ZC4H2: variants seen among roughly 807,000 people sequenced by gnomAD.
The protein encoded by ZC4H2 is zinc finger C4H2-type containing, also known as zinc finger C4H2 domain-containing protein.
For synonymous variants in ZC4H2, 84 were observed against 66.3 expected, an observed-to-expected ratio of 1.27 and a Z score of -1.30; for missense variants, 137 against 173.9, an observed-to-expected ratio of 0.79 and a Z score of 1.19.
rs189746623 is a variant in ZC4H2, at chrX:64,938,420, C to A, written c.54-16432G>T. On this transcript the variant is annotated intron_variant, in intron 1 of 4. Coordinates refer to ENST00000374839, the MANE Select transcript of ZC4H2 (RefSeq NM_018684.4). Reference sequence around the variant, plus strand: ...AAACAACAGAAAAAGAGGGAATACTCTCTAACTTGTTTTATGAGGCCACCA... The same window carrying A: ...AAACAACAGAAAAAGAGGGAATACTATCTAACTTGTTTTATGAGGCCACCA... Among the ~76,000 whole-genome samples the A allele has an allele frequency of 1.3e-4, 14 of 111,861 alleles. No homozygotes were observed. The East Asian group carries it at 3.9e-3, about 31-fold the overall frequency.
At chrX:64,963,669 T>C (rs1172616830) in intron 1 of ZC4H2, among the ~76,000 whole-genome samples, 3 of 111,316 alleles carry the variant, frequency 2.7e-5, no homozygotes, top group South Asian at 7.4e-4. Flanking sequence ...CCAACAGGTA[T>C]AATAAATATA....
At chrX:64,972,614 ATT>A (rs1159552249) in intron 1 of ZC4H2, among the ~76,000 whole-genome samples, 2 of 111,389 alleles carry the variant, frequency 1.8e-5, no homozygotes, top group Non-Finnish European at 3.8e-5. Flanking sequence ...AGGATATATT[ATT>A]TTTTCTTTCC....
intron 1 of ZC4H2, among the ~76,000 whole-genome samples, chrX:65,002,366 G>T (rs1264520223): frequency 9.4e-6 from 1 of 106,387 alleles, no homozygotes; most frequent in African/African-American, 3.4e-5. Context: ...GTCAGCCCCC[G>T]CCCGGCCAGC....
At chrX:64,948,920 T>A (rs1930664910) in intron 1 of ZC4H2, among the ~76,000 whole-genome samples, 1 of 112,122 alleles carries the variant, frequency 8.9e-6, no homozygotes, top group African/African-American at 3.2e-5. Flanking sequence ...AAAATTAATA[T>A]TGTAAAACAA....
At position 64,975,197 on chromosome X, in the gene ZC4H2, A is replaced by T. The variant is rs770302391; in HGVS notation, c.53+1128T>A. On this transcript the variant is annotated intron_variant, in intron 1 of 4. Transcript: ENST00000374839. Reference sequence around the variant, plus strand: ...TCACAGGACTCTTGCTGAATGAGCAAAAGTAGGTCAAAGGGCCTGGCACAC... The same window carrying T: ...TCACAGGACTCTTGCTGAATGAGCATAAGTAGGTCAAAGGGCCTGGCACAC... Among the ~76,000 whole-genome samples the T allele has an allele frequency of 1.1e-4, 12 of 109,747 alleles. No individual in the cohort carries two copies. The South Asian group carries it at 2.4e-3, about 22-fold the overall frequency.
chrX:64,954,354 AAT>A lies in ZC4H2; in HGVS notation c.53+21969_53+21970del, dbSNP rs1272824073. The stretch of plus-strand genomic sequence containing the variant: ...TATATATATAATTATATATATATAT[AAT>A]TATATATATATATATAATTATATAT... On this transcript the variant is annotated intron_variant, in intron 1 of 4. Transcript: ENST00000374839. Among the ~76,000 whole-genome samples, 17 of 69,363 alleles carry A rather than the reference AAT, an allele frequency of 2.5e-4. 1 individual carries two copies. The highest frequency in any genetic ancestry group is 6.9e-4 in the African/African-American group (6 of 8,646). The allele number at this position is 69,363 out of a possible 115,157, so 60.2% of individuals were successfully genotyped here.
intron 3 of ZC4H2, chrX:64,919,830 G>T: frequency 6.0e-6 from 2 of 332,290 alleles, no homozygotes; most frequent in Admixed American, 1.1e-4. Context: ...AAGCCACCTA[G>T]TAGTTGTTCT....
intron 1 of ZC4H2, among the ~76,000 whole-genome samples, chrX:64,931,158 T>C (rs749651459): frequency 8.9e-6 from 1 of 112,009 alleles, no homozygotes; most frequent in Non-Finnish European, 1.9e-5. Flanking sequence ...AAGGTGTTCA[T>C]AGTACACTTC....
intron 1 of ZC4H2, among the ~76,000 whole-genome samples, chrX:64,958,283 TAGG>T (rs1931238111): frequency 8.9e-6 from 1 of 111,903 alleles, no homozygotes; most frequent in African/African-American, 3.2e-5. Flanking sequence ...CACTAGGTGA[TAGG>T]AGTTTTTCAG....
intron 1 of ZC4H2, among the ~76,000 whole-genome samples, chrX:65,016,519 G>A (rs1932798511): frequency 8.9e-6 from 1 of 112,060 alleles, no homozygotes; most frequent in African/African-American, 3.2e-5. Flanking sequence ...ACTTTTTAGA[G>A]AGAGTTTTGG....
chrX:64,924,113 A>G (rs1023921930), intron 1 of ZC4H2, among the ~76,000 whole-genome samples: 1 of 111,721 alleles, frequency 9.0e-6, no homozygotes, highest in Admixed American at 9.5e-5. Flanking sequence ...TAAGATTCAG[A>G]GTAGTATAGT....
intron 1 of ZC4H2, among the ~76,000 whole-genome samples, chrX:64,928,632 CCTT>C (rs753426558): frequency 0.14 from 11,786 of 83,153 alleles, 821 homozygotes; most frequent in Admixed American, 0.25. Context: ...CCTGCTTTCT[CCTT>C]CTTCTTCTTC....
intron 1 of ZC4H2, among the ~76,000 whole-genome samples, chrX:64,938,729 A>G (rs1049710201): frequency 8.9e-6 from 1 of 112,171 alleles, no homozygotes. Context: ...CTGTGACATA[A>G]TTCAACACCC....
At chrX:64,988,925 T>G (rs1171895133) in intron 1 of ZC4H2, among the ~76,000 whole-genome samples, 1 of 89,392 alleles carries the variant, frequency 1.1e-5, no homozygotes, top group Non-Finnish European at 1.9e-5. Flanking sequence ...GGATCCAGTT[T>G]CAGCTTTATA....
chrX:65,017,795 C>G (rs1221815044), intron 1 of ZC4H2, among the ~76,000 whole-genome samples: 4 of 112,075 alleles, frequency 3.6e-5, no homozygotes, highest in Non-Finnish European at 7.5e-5. Context: ...TTACGACAAT[C>G]TTAAGCAAAA....
At chrX:64,995,877 G>A (rs933162440) in intron 1 of ZC4H2, among the ~76,000 whole-genome samples, 20 of 112,328 alleles carry the variant, frequency 1.8e-4, no homozygotes, top group African/African-American at 4.5e-4. Context: ...TAAAAATATC[G>A]TAAAGCAAGG....
upstream of ZC4H2, among the ~76,000 whole-genome samples, chrX:64,978,729 G>A (rs1012996399): frequency 2.7e-5 from 3 of 110,225 alleles, no homozygotes; most frequent in African/African-American, 9.9e-5. Flanking sequence ...TGAAGAGAGT[G>A]TGTCTGGAAA....
chrX:64,923,197 A>G (rs1476367365), intron 1 of ZC4H2, among the ~76,000 whole-genome samples: 1 of 112,207 alleles, frequency 8.9e-6, no homozygotes, highest in South Asian at 3.7e-4. Flanking sequence ...TGTACACACT[A>G]AGATTACAAT....
At chrX:64,958,650 G>A (rs1324220772) in intron 1 of ZC4H2, among the ~76,000 whole-genome samples, 3 of 110,720 alleles carry the variant, frequency 2.7e-5, no homozygotes, top group Non-Finnish European at 5.7e-5. Flanking sequence ...TTTTTTGGTG[G>A]TGGTGGGGGG....
Sources: gnomAD v4.1 joint callset for allele counts (sites outside exome capture counted in the v4.1 genomes callset) on GRCh38, gnomAD v4.1.1 for gene constraint, MANE v1.5 for transcripts, NCBI Gene and HGNC (gene_info 2026-07-23, HGNC 2026-07-21) for gene names.